Variants in CYP27C1 observed in about 807,000 individuals in gnomAD.
CYP27C1 encodes cytochrome P450 family 27 subfamily C member 1, also known as cytochrome P450 27C1.
A neutral mutation model predicts 40.6 loss-of-function variants in CYP27C1; 29 were observed. The ratio of observed to expected loss-of-function variants is 0.71; its 90% confidence interval spans 0.53 to 0.97. The LOEUF is 0.97. Among genes scored for constraint, CYP27C1 ranks in the 50% least tolerant of loss-of-function variants. The pLI, the probability that CYP27C1 is intolerant of heterozygous loss-of-function variation, is 0.00. For missense variants in CYP27C1, 390 were observed against 485.8 expected (o/e 0.80, Z 1.85); for synonymous variants, 198 against 186.8 (o/e 1.06, Z -0.49).
In CYP27C1 at chr2:127,219,971, C is replaced by T. The variant is rs1573910786; in HGVS notation, c.282+18G>A. On this transcript the variant is annotated intron_variant, in intron 1 of 8. Transcript: ENST00000664447. This position sits in a 1 kb window ranked among gnomAD's most constrained non-coding sequence, Gnocchi z 8.7. ...GCAGCAGCCCGGGCTGGCTCCCTCCCGGGGCGGCGCGCGCTACCTGGATCT... is the reference window on the plus strand; with the variant it reads ...GCAGCAGCCCGGGCTGGCTCCCTCCTGGGGCGGCGCGCGCTACCTGGATCT... 1 of 152,336 alleles carries T rather than the reference C, an allele frequency of 6.6e-6. No individual in the cohort carries two copies. The highest frequency in any genetic ancestry group is 1.9e-4 in the East Asian group (1 of 5,166). 9.4% of individuals were successfully genotyped at this position (152,336 alleles called of 1,614,324 possible).
At chr2:127,202,742 TG>T (rs1327417870) in intron 3 of CYP27C1, among the ~76,000 whole-genome samples, 1 of 151,170 alleles carries the variant, frequency 6.6e-6, no homozygotes, top group Non-Finnish European at 1.5e-5. Context: ...TCAAACAAAA[TG>T]TTTTTTTTTT....
chr2:127,218,882 G>A lies in CYP27C1; in HGVS notation c.282+1107C>T, dbSNP rs1407586433. On this transcript the variant is annotated intron_variant, in intron 1 of 8. Coordinates refer to ENST00000664447, the MANE Select transcript of CYP27C1 (RefSeq NM_001367502.1). This position sits in a 1 kb window ranked among gnomAD's most constrained non-coding sequence, Gnocchi z 6.0. The stretch of plus-strand genomic sequence containing the variant: ...CATCGGAGGGCGCCGCCGCGGCTCG[G>A]GTGCAGTGCCCCTGCCACGAAGGGC... Among the ~76,000 whole-genome samples the A allele has an allele frequency of 6.6e-6, 1 of 152,188 alleles. No individual in the cohort carries two copies.
chr2:127,197,443 G>A (rs796277767), intron 5 of CYP27C1, among the ~76,000 whole-genome samples: 5 of 152,104 alleles, frequency 3.3e-5, no homozygotes, highest in East Asian at 1.9e-4. Context: ...TGTGCGGGGC[G>A]TGCCTTATTC....
At chr2:127,192,950 A>T in intron 8 of CYP27C1, 144 bp downstream of exon 8, 1 of 1,059,230 alleles carries the variant, frequency 9.4e-7, no homozygotes, top group Non-Finnish European at 1.3e-6. Context: ...AGCTGGGACC[A>T]CAGGTGTGAG....
In CYP27C1 at chr2:127,185,840, G is replaced by A. The variant is rs1431754266; in HGVS notation, c.*1431C>T. The A allele has an allele frequency of 1.3e-5, 2 of 152,160 alleles. No individual in the cohort carries two copies. Among genetic ancestry groups the A allele is most frequent in the Non-Finnish European group, 2.9e-5 (2 of 68,040 alleles). 9.4% of individuals were successfully genotyped at this position (152,160 alleles called of 1,614,324 possible). On this transcript the variant is annotated 3_prime_UTR_variant, in exon 9 of 9. Coordinates refer to ENST00000664447, the MANE Select transcript of CYP27C1 (RefSeq NM_001367502.1). The surrounding 1 kb of genome is among the most constrained non-coding windows in gnomAD (Gnocchi z 4.9). The stretch of plus-strand genomic sequence containing the variant: ...AAGCTGTTTCAGGCATGATGACAAG[G>A]CAAGAGCATCAGGAAATCACGGTGT...
rs1156982574 is a variant in CYP27C1 at position 127,211,361 on chromosome 2, G to GTTTTTT, written c.283-5277_283-5272dup. Reference sequence around the variant, plus strand: ...ATCTCTGGGATACAGCTAAAGCAGTGTTTTTTTGTTTTTTTTTTTTTTTTT... The same window carrying GTTTTTT: ...ATCTCTGGGATACAGCTAAAGCAGTGTTTTTTTTTTTTTGTTTTTTTTTTTTTTTTT... On this transcript the variant is annotated intron_variant, in intron 1 of 8. Coordinates refer to ENST00000664447, the MANE Select transcript of CYP27C1 (RefSeq NM_001367502.1). Among the ~76,000 whole-genome samples the GTTTTTT allele has an allele frequency of 1.2e-3, 124 of 103,614 alleles. 9 individuals are homozygous for GTTTTTT. The highest frequency in any genetic ancestry group is 4.4e-3 in the African/African-American group (112 of 25,188). 68.0% of individuals were successfully genotyped at this position (103,614 alleles called of 152,430 possible).
At chr2:127,189,168 G>GCCCCCCCCCCCCCCCCCCC (rs34707287) in intron 8 of CYP27C1, among the ~76,000 whole-genome samples, 11 of 129,002 alleles carry the variant, frequency 8.5e-5, no homozygotes, top group Admixed American at 1.6e-4. Flanking sequence ...AAAAAACACT[G>GCCCCCCCCCCCCCCCCCCC]CCCCCCCCCT....
Position 127,187,141 on chromosome 2 carries a change from G to A in CYP27C1, c.*130C>T. ...AGATTTACAAGTGTCCCAGGACCTG[G>A]GAGGCCAGTCTATAACAAGACAGCC... On this transcript the variant is annotated 3_prime_UTR_variant, in exon 9 of 9. Transcript: ENST00000664447. 1.3e-6 allele frequency: 1 copy of A among 741,766 alleles called. No homozygotes were observed. The highest frequency in any genetic ancestry group is 2.3e-6 in the Non-Finnish European group (1 of 431,912). 45.9% of individuals were successfully genotyped at this position (741,766 alleles called of 1,614,324 possible).
In CYP27C1 at chr2:127,195,379, G is replaced by A; in HGVS notation, c.1170C>T (p.Val390=). ...GAGCTCTGACCAGCGGGACCTTGGG[G>A]ACATCAGCTGCAGTTGGAACATGCC... The part of the protein sequence containing the change: ...GERHVPTAAD[V]PKVPLVRALL... Residue 390 remains valine (V), a synonymous_variant, in exon 6 of 9, where the codon GTC becomes GTT. Coordinates refer to ENST00000664447, the MANE Select transcript of CYP27C1 (RefSeq NM_001367502.1). The surrounding 1 kb of genome is among the most constrained non-coding windows in gnomAD (Gnocchi z 6.2). 1 of 1,614,112 alleles carries A rather than the reference G, an allele frequency of 6.2e-7. No individual in the cohort carries two copies. Among genetic ancestry groups the A allele is most frequent in the Non-Finnish European group, 8.5e-7 (1 of 1,180,024 alleles).
chr2:127,203,401 T>C lies in CYP27C1; in HGVS notation c.644A>G (p.Asn215Ser), dbSNP rs375601507. 2.5e-6 allele frequency: 4 copies of C among 1,613,334 alleles called. No individual in the cohort carries two copies. In the Admixed American group the frequency reaches 5.0e-5, roughly 20 times the overall value. Residue 215 changes from asparagine (N) to serine (S), a missense_variant, in exon 3 of 9, where the codon AAT (asparagine) becomes AGT (serine). Coordinates refer to ENST00000664447, the MANE Select transcript of CYP27C1 (RefSeq NM_001367502.1). ...AEDGETVTNV[N>S]DLFFKYSMEG... ...CATTGAATATTTGAAGAAAAGATCA[T>C]TGACATTGGTCACGGTTTCTCCATC...
intron 1 of CYP27C1, among the ~76,000 whole-genome samples, chr2:127,214,960 C>G (rs1256322939): frequency 1.3e-5 from 2 of 151,644 alleles, no homozygotes; most frequent in Non-Finnish European, 2.9e-5. Flanking sequence ...AACCCCGTCT[C>G]TACTAAAAAT....
rs1683018364 is a variant in CYP27C1 at position 127,200,967 on chromosome 2, A to C, written c.883+155T>G. Among the ~76,000 whole-genome samples the C allele has an allele frequency of 6.6e-6, 1 of 152,164 alleles. No homozygotes were observed. The highest frequency in any genetic ancestry group is 6.5e-5 in the Admixed American group (1 of 15,276). ...GACAGAGCCAGACTCCGTCTCAAAAAAAAAAAAAATCCAAAAGTTATGGGT... is the reference window on the plus strand; with the variant it reads ...GACAGAGCCAGACTCCGTCTCAAAACAAAAAAAAATCCAAAAGTTATGGGT... On this transcript the variant is annotated intron_variant, in intron 4 of 8. Coordinates refer to ENST00000664447, the MANE Select transcript of CYP27C1 (RefSeq NM_001367502.1). This position sits in a 1 kb window ranked among gnomAD's most constrained non-coding sequence, Gnocchi z 4.2.
chr2:127,196,368 T>C lies in CYP27C1; in HGVS notation c.1048-867A>G, dbSNP rs1469834291. Among the ~76,000 whole-genome samples the C allele has an allele frequency of 1.3e-5, 2 of 152,168 alleles. No homozygotes were observed. The highest frequency in any genetic ancestry group is 2.9e-5 in the Non-Finnish European group (2 of 68,032). On this transcript the variant is annotated intron_variant, in intron 5 of 8. Coordinates refer to ENST00000664447, the MANE Select transcript of CYP27C1 (RefSeq NM_001367502.1). The surrounding 1 kb of genome is among the most constrained non-coding windows in gnomAD (Gnocchi z 4.5). ...GAGCCACCACGCCCGGTCAGCCATGTCATTTTTTATACCTCTTCTCAAACC... is the reference window on the plus strand; with the variant it reads ...GAGCCACCACGCCCGGTCAGCCATGCCATTTTTTATACCTCTTCTCAAACC...
chr2:127,186,369 C>CATTTTATTTTATTTTATTTT lies in CYP27C1; in HGVS notation c.*882_*901dup, dbSNP rs71393842. ...GGAGAGAAAAGTATTCTTATACAGCCATTTTATTTTATTTTATTTTATTTT... is the reference window on the plus strand; with the variant it reads ...GGAGAGAAAAGTATTCTTATACAGCCATTTTATTTTATTTTATTTTATTTTATTTTATTTTATTTTATTTT... On this transcript the variant is annotated 3_prime_UTR_variant, in exon 9 of 9. Transcript: ENST00000664447. This position sits in a 1 kb window ranked among gnomAD's most constrained non-coding sequence, Gnocchi z 4.5. 16 of 142,808 alleles carry CATTTTATTTTATTTTATTTT rather than the reference C, an allele frequency of 1.1e-4. No homozygotes were observed. Among genetic ancestry groups the CATTTTATTTTATTTTATTTT allele is most frequent in the South Asian group, 4.7e-4 (2 of 4,294 alleles). The allele number at this position is 142,808 out of a possible 1,614,324, so 8.8% of individuals were successfully genotyped here. A position where few individuals can be genotyped will look rare whatever the true frequency, so the allele number is the denominator to read the frequency against.
chr2:127,194,524 C>A (rs904845295), intron 6 of CYP27C1, among the ~76,000 whole-genome samples: 4 of 152,078 alleles, frequency 2.6e-5, no homozygotes, highest in African/African-American at 9.7e-5. Flanking sequence ...CCCAAACCAT[C>A]CCCTCAACCC....
At position 127,204,598 on chromosome 2, in the gene CYP27C1, A is replaced by C. The variant is rs1214822079; in HGVS notation, c.474-1027T>G. Among the ~76,000 whole-genome samples, 454 of 98,260 alleles carry C rather than the reference A, an allele frequency of 4.6e-3. 5 individuals carry two copies. The highest frequency in any genetic ancestry group is 0.018 in the African/African-American group (400 of 22,772). The allele number at this position is 98,260 out of a possible 152,430, so 64.5% of individuals were successfully genotyped here. A position where few individuals can be genotyped will look rare whatever the true frequency, so the allele number is the denominator to read the frequency against. On this transcript the variant is annotated intron_variant, in intron 2 of 8. Coordinates refer to ENST00000664447, the MANE Select transcript of CYP27C1 (RefSeq NM_001367502.1). ...GAAAGAAAGAAAGAAAGAAAGAAAG[A>C]AAGAAAGAAAGAAAGAAAGAAAGAA...
chr2:127,207,453 G>A (rs981911632), intron 1 of CYP27C1, among the ~76,000 whole-genome samples: 13 of 152,040 alleles, frequency 8.6e-5, no homozygotes, highest in South Asian at 2.1e-4. Flanking sequence ...GCAAGACTGC[G>A]CCATTGCACT....
At chr2:127,193,665 A>G in intron 7 of CYP27C1, 124 bp downstream of exon 7, 1 of 1,034,218 alleles carries the variant, frequency 9.7e-7, no homozygotes, top group Admixed American at 2.3e-5. Context: ...ATCTTAAAAT[A>G]CATGCAAAAG....
At chr2:127,213,921 G>T (rs754469751) in intron 1 of CYP27C1, among the ~76,000 whole-genome samples, 1 of 151,978 alleles carries the variant, frequency 6.6e-6, no homozygotes, top group African/African-American at 2.4e-5. Context: ...ATCTGACAAA[G>T]GTCTAATAGC....
Sources: allele counts gnomAD v4.1 joint callset (sites outside exome capture counted in the v4.1 genomes callset), GRCh38; gene constraint gnomAD v4.1.1; non-coding constraint Gnocchi (gnomAD v3.1); transcripts MANE v1.5; gene names NCBI Gene and HGNC (gene_info 2026-07-23, HGNC 2026-07-21).